GNAI1: variants seen among roughly 807,000 people sequenced by gnomAD.
GNAI1 encodes the protein G protein subunit alpha i1.
GNAI1 carries 11 observed loss-of-function variants against 38.9 expected under a neutral mutation model. The observed-to-expected ratio is 0.28, with a 90% CI of 0.18 to 0.47. The LOEUF (loss-of-function observed/expected upper bound fraction) is 0.47. Among genes scored for constraint, GNAI1 ranks in the 20% least tolerant of loss-of-function variants. The pLI is 0.99. For missense variants in GNAI1, 317 were observed against 436.9 expected (o/e 0.73, Z 2.45); for synonymous variants, 166 against 145.1 (o/e 1.14, Z -1.04).
At chr7:80,143,182 A>T (rs2523185) in intron 1 of GNAI1, among the ~76,000 whole-genome samples, 123,929 of 152,154 alleles carry the variant, frequency 0.81, 51,296 homozygotes, top group Non-Finnish European at 0.88. Flanking sequence ...CAAATTACGC[A>T]TTAGCCTTAC....
intron 1 of GNAI1, among the ~76,000 whole-genome samples, chr7:80,165,380 T>TA (rs1227589516): frequency 6.6e-6 from 1 of 152,200 alleles, no homozygotes; most frequent in African/African-American, 2.4e-5. Context: ...GTTCTTTCTT[T>TA]GTCATTTAAA....
At chr7:80,194,367 G>A (rs1298184000) in intron 3 of GNAI1, among the ~76,000 whole-genome samples, 1 of 152,048 alleles carries the variant, frequency 6.6e-6, no homozygotes, top group African/African-American at 2.4e-5. Context: ...ATGTGTGTAT[G>A]TATTAACTCT....
intron 3 of GNAI1, among the ~76,000 whole-genome samples, chr7:80,194,256 C>T (rs555779403): frequency 1.2e-3 from 186 of 151,918 alleles, no homozygotes; most frequent in Non-Finnish European, 2.3e-3. Flanking sequence ...AACAGTTTTC[C>T]CTGTCTATTG....
Position 80,217,288 on chromosome 7 carries a change from C to G in GNAI1, c.875-15C>G. The stretch of plus-strand genomic sequence containing the variant: ...AACTTTTTGCATTTATGTTTCTTTC[C>G]TTTTTCCATCTCAGGATCAAACACA... On this transcript the variant is annotated splice_polypyrimidine_tract_variant and intron_variant, in intron 7 of 7. Coordinates refer to ENST00000649796, the MANE Select transcript of GNAI1 (RefSeq NM_002069.6). 6.9e-7 allele frequency: 1 copy of G among 1,445,330 alleles called. No individual in the cohort carries two copies. The highest frequency in any genetic ancestry group is 9.2e-7 in the Non-Finnish European group (1 of 1,087,268). The allele number at this position is 1,445,330 out of a possible 1,614,324, so 89.5% of individuals were successfully genotyped here. A position where few individuals can be genotyped will look rare whatever the true frequency, so the allele number is the denominator to read the frequency against.
chr7:80,157,773 C>T (rs150224011), intron 1 of GNAI1, among the ~76,000 whole-genome samples: 1 of 152,140 alleles, frequency 6.6e-6, no homozygotes, highest in Admixed American at 6.5e-5. Flanking sequence ...GTGGCATGAT[C>T]TTAGCTCACT....
At chr7:80,202,236 C>A (rs551752693) in intron 4 of GNAI1, among the ~76,000 whole-genome samples, 1 of 151,916 alleles carries the variant, frequency 6.6e-6, no homozygotes, top group Non-Finnish European at 1.5e-5. Flanking sequence ...ATTACAGGCA[C>A]GCCTCACCAC....
At chr7:80,209,332 G>A (rs1451927601) in intron 5 of GNAI1, among the ~76,000 whole-genome samples, 1 of 152,156 alleles carries the variant, frequency 6.6e-6, no homozygotes, top group Non-Finnish European at 1.5e-5. Flanking sequence ...AGTTTGTAGG[G>A]TAGGCTGGCA....
intron 6 of GNAI1, among the ~76,000 whole-genome samples, chr7:80,212,025 T>A (rs1788884523): frequency 6.6e-6 from 1 of 152,156 alleles, no homozygotes; most frequent in Non-Finnish European, 1.5e-5. Context: ...TCCACAGAAC[T>A]GCCTGCTGGA....
intron 1 of GNAI1, among the ~76,000 whole-genome samples, chr7:80,186,023 C>CT (rs533371119): frequency 0.12 from 12,642 of 102,754 alleles, 2,449 homozygotes; most frequent in Non-Finnish European, 0.17. Context: ...CATCCGCACT[C>CT]TTTTTTTTTT....
At chr7:80,190,189 G>A (rs1788457764) in intron 3 of GNAI1, among the ~76,000 whole-genome samples, 1 of 151,794 alleles carries the variant, frequency 6.6e-6, no homozygotes, top group Non-Finnish European at 1.5e-5. Context: ...GCTTACTAGG[G>A]AAGAAAAATG....
At chr7:80,211,879 G>A (rs1304731203) in intron 6 of GNAI1, among the ~76,000 whole-genome samples, 1 of 152,070 alleles carries the variant, frequency 6.6e-6, no homozygotes, top group East Asian at 1.9e-4. Context: ...TAGAAATGTC[G>A]GTTTTGTTCA....
Position 80,218,222 on chromosome 7 carries a change from G to A in GNAI1, c.*729G>A, listed in dbSNP as rs181425484. 1 of 152,006 alleles carries A rather than the reference G, an allele frequency of 6.6e-6. No homozygotes were observed. The highest frequency in any genetic ancestry group is 1.9e-4 in the East Asian group (1 of 5,180). 9.4% of individuals were successfully genotyped at this position (152,006 alleles called of 1,614,324 possible). A position where few individuals can be genotyped will look rare whatever the true frequency, so the allele number is the denominator to read the frequency against. On this transcript the variant is annotated 3_prime_UTR_variant, in exon 8 of 8. Coordinates refer to ENST00000649796, the MANE Select transcript of GNAI1 (RefSeq NM_002069.6). ...TTACATTAGATTCCACGTTAGATTT[G>A]GTTTGAAAAACTAAAATTTCAGATT...
rs398005254 is a variant in GNAI1, at chr7:80,137,317, C to CTTTTTTTTTTTTTTTTT, written c.118+2044_118+2060dup. Among the ~76,000 whole-genome samples, 28 of 53,998 alleles carry CTTTTTTTTTTTTTTTTT rather than the reference C, an allele frequency of 5.2e-4. 2 individuals are homozygous for CTTTTTTTTTTTTTTTTT. The highest frequency in any genetic ancestry group is 1.8e-3 in the African/African-American group (26 of 14,808). 35.4% of individuals were successfully genotyped at this position (53,998 alleles called of 152,430 possible). ...TCTTTTTTTTTTTTTCTTTTCTTTT[C>CTTTTTTTTTTTTTTTTT]TTTTTTTTTTTTTTTTTTTTTGAGA... On this transcript the variant is annotated intron_variant, in intron 1 of 7. Coordinates refer to ENST00000649796, the MANE Select transcript of GNAI1 (RefSeq NM_002069.6).
chr7:80,195,776 A>G (rs1788558871), intron 3 of GNAI1, among the ~76,000 whole-genome samples: 1 of 152,008 alleles, frequency 6.6e-6, no homozygotes, highest in East Asian at 1.9e-4. Flanking sequence ...TACAATAGTC[A>G]TCTGACCTTT....
At chr7:80,195,856 T>A (rs983500866) in intron 3 of GNAI1, among the ~76,000 whole-genome samples, 1 of 151,980 alleles carries the variant, frequency 6.6e-6, no homozygotes, top group Non-Finnish European at 1.5e-5. Context: ...TTAAAAAAAA[T>A]TCCTCTAGTT....
rs371852000 is a variant in GNAI1 at position 80,221,154 on chromosome 7, C to T, written c.*3661C>T. On this transcript the variant is annotated 3_prime_UTR_variant, in exon 8 of 8. Transcript: ENST00000649796. ...GTGAAAATCCTAGGCTCTGGCACCC[C>T]GTCTGGCTTCAAATCCTGGCTCAAT... Among the ~76,000 whole-genome samples the T allele has an allele frequency of 2.7e-4, 41 of 152,236 alleles. No individual in the cohort carries two copies. The East Asian group carries it at 4.6e-3, about 17-fold the overall frequency.
chr7:80,170,994 C>T (rs1042277652), intron 1 of GNAI1, among the ~76,000 whole-genome samples: 1 of 152,082 alleles, frequency 6.6e-6, no homozygotes, highest in African/African-American at 2.4e-5. Flanking sequence ...TTAGTAAAGA[C>T]AGTTTGGAAA....
At chr7:80,135,972 T>A in intron 1 of GNAI1, 2 of 985,288 alleles carry the variant, frequency 2.0e-6, no homozygotes, top group Non-Finnish European at 2.4e-6. Flanking sequence ...GCAAGGCAGA[T>A]ACTCGAGTGG....
At chr7:80,163,929 T>C (rs897717366) in intron 1 of GNAI1, among the ~76,000 whole-genome samples, 9 of 152,038 alleles carry the variant, frequency 5.9e-5, no homozygotes, top group East Asian at 1.9e-4. Context: ...CTGACCTTTT[T>C]TAGTGAATCT....
Sources: allele counts gnomAD v4.1 joint callset (sites outside exome capture counted in the v4.1 genomes callset), GRCh38; gene constraint gnomAD v4.1.1; transcripts MANE v1.5; gene names NCBI Gene and HGNC (gene_info 2026-07-23, HGNC 2026-07-21).